Variants in RANGAP1 observed in about 807,000 individuals in gnomAD.
RANGAP1 encodes the protein Ran GTPase activating protein 1, also known as ran GTPase-activating protein 1.
Under a neutral mutation model 63.5 loss-of-function variants are expected in RANGAP1, and 38 were observed. The ratio of observed to expected loss-of-function variants is 0.60; its 90% confidence interval spans 0.46 to 0.78. The LOEUF is 0.78. Ranked by LOEUF, RANGAP1 falls within the 30% of genes least tolerant of loss-of-function variation. RANGAP1 has a pLI of 0.00. For missense variants in RANGAP1, 630 were observed against 740.3 expected (o/e 0.85, Z 1.73); for synonymous variants, 329 against 310.5 (o/e 1.06, Z -0.63).
At chr22:41,291,832 C>A in the RANGAP1 span, among the ~76,000 whole-genome samples, 1 of 145,632 alleles carries the variant, frequency 6.9e-6, no homozygotes, top group Non-Finnish European at 1.5e-5. Context: ...ACCTGGGAGG[C>A]GGAGCTTGCA....
In RANGAP1 at chr22:41,245,045, T is replaced by C. The variant is rs1045621369; in HGVS notation, c.*1558A>G. Among the ~76,000 whole-genome samples, 2 of 152,210 alleles carry C rather than the reference T, an allele frequency of 1.3e-5. No homozygotes were observed. The highest frequency in any genetic ancestry group is 2.9e-5 in the Non-Finnish European group (2 of 68,050). ...ATTTCATTTAACATGTTTTCAAAGT[T>C]CATCCACGTTGTAGCTGGCATCAGA... is the stretch of plus-strand genomic sequence containing the variant. On this transcript the variant is annotated 3_prime_UTR_variant, in exon 16 of 16. Coordinates refer to ENST00000356244, the MANE Select transcript of RANGAP1 (RefSeq NM_002883.4).
In RANGAP1 at chr22:41,246,546, A is replaced by C; in HGVS notation, c.*57T>G. On this transcript the variant is annotated 3_prime_UTR_variant, in exon 16 of 16. Transcript: ENST00000356244. Reference sequence around the variant, plus strand: ...AATGGCGTAGGCTGCGCCTCAGTTCATCCGAGTCCCTCCCCAGCTCACTGG... The same window carrying C: ...AATGGCGTAGGCTGCGCCTCAGTTCCTCCGAGTCCCTCCCCAGCTCACTGG... 6.8e-7 allele frequency: 1 copy of C among 1,474,486 alleles called. No individual in the cohort carries two copies. Among genetic ancestry groups the C allele is most frequent in the South Asian group, 1.2e-5 (1 of 82,394 alleles). 91.3% of individuals were successfully genotyped at this position (1,474,486 alleles called of 1,614,324 possible).
intron 1 of RANGAP1, chr22:41,285,661 G>A (rs763658674): frequency 2.0e-6 from 2 of 985,318 alleles, no homozygotes; most frequent in Non-Finnish European, 2.4e-6. Context: ...GGGCGGCGCA[G>A]GAGCCCCATC....
chr22:41,280,619 A>G lies in RANGAP1; in HGVS notation c.112+314T>C, dbSNP rs569721040. 2.4e-6 allele frequency: 3 copies of G among 1,251,556 alleles called. No homozygotes were observed. The Admixed American group carries it at 6.8e-5, about 28-fold the overall frequency. The allele number at this position is 1,251,556 out of a possible 1,614,324, so 77.5% of individuals were successfully genotyped here. ...GGCAAGGGTGGGGACAACACCGGAT[A>G]TTAAGTCAGAGTCAGAGGCTGTATC... is the stretch of plus-strand genomic sequence containing the variant. On this transcript the variant is annotated intron_variant, in intron 2 of 15. Transcript: ENST00000356244.
chr22:41,296,413 G>A, the RANGAP1 span, among the ~76,000 whole-genome samples: 2 of 152,142 alleles, frequency 1.3e-5, no homozygotes, highest in Non-Finnish European at 2.9e-5. Flanking sequence ...CTGGGAGGCC[G>A]AGGTGAGTGG....
chr22:41,275,871 G>A (rs944458325), intron 2 of RANGAP1, among the ~76,000 whole-genome samples: 5 of 152,006 alleles, frequency 3.3e-5, no homozygotes, highest in Non-Finnish European at 7.4e-5. Flanking sequence ...AGCTGAGCCT[G>A]AGAAGTTGAG....
At chr22:41,251,708 G>C (rs1352464775) in intron 12 of RANGAP1, among the ~76,000 whole-genome samples, 1 of 151,712 alleles carries the variant, frequency 6.6e-6, no homozygotes, top group Non-Finnish European at 1.5e-5. Context: ...CTAGCATGTA[G>C]ACAATACTCA....
intron 8 of RANGAP1, 51 bp downstream of exon 8, chr22:41,256,660 C>G (rs374784745): frequency 1.4e-5 from 21 of 1,545,808 alleles, no homozygotes; most frequent in Non-Finnish European, 1.8e-5. Flanking sequence ...CCCCAGCCGC[C>G]CCACCACCCA....
intron 7 of RANGAP1, among the ~76,000 whole-genome samples, 167 bp from the exon 8 acceptor site, chr22:41,256,991 G>A (rs2033881691): frequency 6.6e-6 from 1 of 151,792 alleles, no homozygotes; most frequent in Non-Finnish European, 1.5e-5. Flanking sequence ...CTGGGCCCCT[G>A]GCCAAACCTC....
At chr22:41,266,727 T>C (rs2034497778) in intron 4 of RANGAP1, among the ~76,000 whole-genome samples, 1 of 152,150 alleles carries the variant, frequency 6.6e-6, no homozygotes, top group Non-Finnish European at 1.5e-5. Context: ...AGACACAGGG[T>C]TTCAGCATGT....
upstream of RANGAP1, among the ~76,000 whole-genome samples, chr22:41,287,699 C>T (rs1458914600): frequency 1.3e-5 from 2 of 151,696 alleles, no homozygotes; most frequent in Non-Finnish European, 2.9e-5. Flanking sequence ...TTAAACAGAT[C>T]ATGCAGGCTG....
upstream of RANGAP1, among the ~76,000 whole-genome samples, chr22:41,289,008 C>T (rs1459403183): frequency 2.0e-5 from 3 of 149,266 alleles, no homozygotes; most frequent in Non-Finnish European, 4.4e-5. Flanking sequence ...CTGCAACCTC[C>T]GCCTCCCAGG....
At chr22:41,255,884 G>A in intron 10 of RANGAP1, 137 bp downstream of exon 10, 1 of 838,212 alleles carries the variant, frequency 1.2e-6, no homozygotes, top group Non-Finnish European at 1.8e-6. Flanking sequence ...AACCCAGGAG[G>A]TGGAAGCTGC....
chr22:41,253,311 G>A (rs2033601402), intron 11 of RANGAP1, among the ~76,000 whole-genome samples: 1 of 152,212 alleles, frequency 6.6e-6, no homozygotes, highest in African/African-American at 2.4e-5. Context: ...GGCACATGGG[G>A]GCTAAAGTGG....
chr22:41,296,399 C>T, the RANGAP1 span, among the ~76,000 whole-genome samples: 1 of 152,144 alleles, frequency 6.6e-6, no homozygotes, highest in African/African-American at 2.4e-5. Flanking sequence ...GTAATCCCAG[C>T]ACTCTGGGAG....
At chr22:41,275,456 C>T (rs1414428495) in intron 2 of RANGAP1, among the ~76,000 whole-genome samples, 1 of 151,312 alleles carries the variant, frequency 6.6e-6, no homozygotes, top group Non-Finnish European at 1.5e-5. Flanking sequence ...CATGTCACTG[C>T]ACTCCAGCCT....
chr22:41,261,480 T>C lies in RANGAP1; in HGVS notation c.581A>G (p.Asn194Ser). Residue 194 changes from asparagine (N) to serine (S), a missense_variant, in exon 6 of 16, where the codon AAT becomes AGT. Around this residue, in one of 3 missense-constraint regions of RANGAP1, gnomAD observed 137 missense variants for 214.3 expected, o/e 0.64. Transcript: ENST00000356244. ...VFVAGRNRLENDGATALAEAF... is the reference protein window; with the variant it reads ...VFVAGRNRLESDGATALAEAF... ...TTCTGCCAAGGCAGTGGCGCCATCA[T>C]TCTCCAGACGGTTTCTGCCAGCCAC... 2 of 1,614,206 alleles carry C rather than the reference T, an allele frequency of 1.2e-6. No homozygotes were observed. Among genetic ancestry groups the C allele is most frequent in the South Asian group, 1.1e-5 (1 of 91,082 alleles).
chr22:41,263,053 T>C (rs1158401038), intron 5 of RANGAP1, among the ~76,000 whole-genome samples: 1 of 151,990 alleles, frequency 6.6e-6, no homozygotes, highest in Non-Finnish European at 1.5e-5. Context: ...ATCAAATCAG[T>C]GGTCAGGGAG....
chr22:41,262,621 C>T (rs1361094395), intron 5 of RANGAP1, among the ~76,000 whole-genome samples: 1 of 152,332 alleles, frequency 6.6e-6, no homozygotes, highest in Non-Finnish European at 1.5e-5. Context: ...GAAGAGCCAG[C>T]ACCTGCCTGA....
Sources: allele counts gnomAD v4.1 joint callset (sites outside exome capture counted in the v4.1 genomes callset), GRCh38; gene constraint gnomAD v4.1.1; regional missense constraint gnomAD v4.1.1; transcripts MANE v1.5; gene names NCBI Gene and HGNC (gene_info 2026-07-23, HGNC 2026-07-21).